RYR2: variants seen among roughly 807,000 people sequenced by gnomAD.
RYR2 encodes ryanodine receptor 2.
In RYR2, 227 loss-of-function variants were observed where a neutral mutation model predicts 601.1. The observed-to-expected ratio is 0.38, with a 90% CI of 0.34 to 0.42. The LOEUF is 0.42. Among genes scored for constraint, RYR2 ranks in the 10% least tolerant of loss-of-function variants. The pLI, the probability that RYR2 is intolerant of heterozygous loss-of-function variation, is 1.00. For synonymous variants in RYR2, 2,223 were observed against 2,175.1 expected, an observed-to-expected ratio of 1.02 and a Z score of -0.61; for missense variants, 4,646 against 6,156.5, an observed-to-expected ratio of 0.75 and a Z score of 8.21.
At chr1:237,303,392 C>G (rs916087992) in intron 2 of RYR2, among the ~76,000 whole-genome samples, 1 of 145,858 alleles carries the variant, frequency 6.9e-6, no homozygotes, top group Admixed American at 7.0e-5. Flanking sequence ...CTCTGCCTCT[C>G]GGGTTCAAGT....
intron 63 of RYR2, among the ~76,000 whole-genome samples, chr1:237,689,195 G>A (rs1686719081): frequency 6.6e-6 from 1 of 152,156 alleles, no homozygotes; most frequent in South Asian, 2.1e-4. Context: ...TTGAGCCCAG[G>A]AATCTGAGGT....
chr1:237,806,424 G>A (rs903348634), intron 99 of RYR2, 141 bp downstream of exon 99: 13 of 761,324 alleles, frequency 1.7e-5, no homozygotes, highest in Non-Finnish European at 2.3e-5. Flanking sequence ...GTTCTAAACT[G>A]CAGGGATTAG....
At chr1:237,070,867 A>G (rs1264306202) in intron 1 of RYR2, among the ~76,000 whole-genome samples, 1 of 152,176 alleles carries the variant, frequency 6.6e-6, no homozygotes, top group Non-Finnish European at 1.5e-5. Flanking sequence ...ATGGTGCCAA[A>G]AGCTCAGAGA....
chr1:237,771,950 C>A, intron 85 of RYR2, 62 bp from the exon 86 acceptor site: 2 of 954,638 alleles, frequency 2.1e-6, no homozygotes, highest in South Asian at 1.4e-5. Flanking sequence ...CTTTGGAGTT[C>A]TTAGAATGAC....
chr1:237,542,058 C>CTATA (rs1210091837), intron 25 of RYR2, among the ~76,000 whole-genome samples: 9 of 148,414 alleles, frequency 6.1e-5, no homozygotes, highest in African/African-American at 1.8e-4. Flanking sequence ...ACATTTTTGT[C>CTATA]TTTATTTATT....
intron 1 of RYR2, among the ~76,000 whole-genome samples, chr1:237,225,910 C>T (rs1040087541): frequency 6.6e-6 from 1 of 152,078 alleles, no homozygotes; most frequent in Non-Finnish European, 1.5e-5. Flanking sequence ...CAAAAATTAG[C>T]TGGGTGTGGT....
intron 89 of RYR2, among the ~76,000 whole-genome samples, chr1:237,783,237 T>C (rs1158792647): frequency 6.6e-6 from 1 of 152,212 alleles, no homozygotes; most frequent in East Asian, 1.9e-4. Context: ...TCCTCATCGG[T>C]AAAATTAGGG....
chr1:237,228,830 T>C (rs1416010036), intron 1 of RYR2, among the ~76,000 whole-genome samples: 4 of 152,210 alleles, frequency 2.6e-5, no homozygotes, highest in Admixed American at 1.3e-4. Context: ...CAGATGCCCA[T>C]TGCCAAATTC....
intron 2 of RYR2, among the ~76,000 whole-genome samples, chr1:237,285,952 T>C (rs1207211637): frequency 6.6e-6 from 1 of 152,180 alleles, no homozygotes; most frequent in Admixed American, 6.5e-5. Flanking sequence ...GTCTATCAAT[T>C]TTAGTTATCT....
chr1:237,482,155 C>G (rs958627004), intron 17 of RYR2, among the ~76,000 whole-genome samples: 8 of 152,176 alleles, frequency 5.3e-5, no homozygotes, highest in African/African-American at 1.9e-4. Context: ...GTTATCCATC[C>G]CCTTTCAAGC....
chr1:237,791,664 A>T lies in RYR2; in HGVS notation c.13563+149A>T, dbSNP rs1658391276. ...GTGCCTAGGCACTGATATCACTGTT[A>T]TCTAGGAAGGCAAGATAGATTTGTT... is the stretch of plus-strand genomic sequence containing the variant. On this transcript the variant is annotated intron_variant, in intron 93 of 104. Coordinates refer to ENST00000366574, the MANE Select transcript of RYR2 (RefSeq NM_001035.3). The T allele has an allele frequency of 3.3e-5, 20 of 601,026 alleles. 1 individual carries two copies. The South Asian group carries it at 4.3e-4, about 13-fold the overall frequency. The allele number at this position is 601,026 out of a possible 1,614,324, so 37.2% of individuals were successfully genotyped here.
chr1:237,378,293 A>G (rs1701196469), intron 8 of RYR2, among the ~76,000 whole-genome samples: 2 of 152,224 alleles, frequency 1.3e-5, no homozygotes, highest in Non-Finnish European at 2.9e-5. Flanking sequence ...CAGCCGAACC[A>G]TATCAAATGC....
intron 1 of RYR2, among the ~76,000 whole-genome samples, chr1:237,143,945 A>G (rs1233424988): frequency 6.6e-6 from 1 of 152,172 alleles, no homozygotes; most frequent in Non-Finnish European, 1.5e-5. Flanking sequence ...CCTGGCCAAC[A>G]TAGTGAAACC....
intron 101 of RYR2, among the ~76,000 whole-genome samples, chr1:237,825,349 G>A (rs190289859): frequency 1.1e-4 from 16 of 152,252 alleles, no homozygotes; most frequent in Admixed American, 3.3e-4. Flanking sequence ...AGAGGCCTCA[G>A]AAATAACACC....
At chr1:237,411,661 A>G (rs2150001282) in intron 10 of RYR2, among the ~76,000 whole-genome samples, 1 of 152,246 alleles carries the variant, frequency 6.6e-6, no homozygotes, top group African/African-American at 2.4e-5. Context: ...CTTCACAGTA[A>G]CCCAGTAAAA....
intron 35 of RYR2, among the ~76,000 whole-genome samples, chr1:237,603,913 T>C (rs2148521981): frequency 6.6e-6 from 1 of 152,256 alleles, no homozygotes; most frequent in African/African-American, 2.4e-5. Context: ...AGCACCCAGA[T>C]TCATAAAGCA....
At chr1:237,294,235 C>G (rs996993517) in intron 2 of RYR2, among the ~76,000 whole-genome samples, 1 of 152,226 alleles carries the variant, frequency 6.6e-6, no homozygotes, top group South Asian at 2.1e-4. Context: ...CTTATTATAT[C>G]ACAGTATCAC....
chr1:237,457,172 C>T (rs955650388), intron 16 of RYR2, among the ~76,000 whole-genome samples: 4 of 152,040 alleles, frequency 2.6e-5, no homozygotes, highest in Non-Finnish European at 5.9e-5. Flanking sequence ...TTAAATATTT[C>T]CTTTTTGCTT....
chr1:237,545,759 A>T (rs1393003831), intron 25 of RYR2, among the ~76,000 whole-genome samples: 1 of 151,942 alleles, frequency 6.6e-6, no homozygotes, highest in Non-Finnish European at 1.5e-5. Context: ...AAAATAAAAA[A>T]AAAAAAAAAT....
Sources: allele counts gnomAD v4.1 joint callset (sites outside exome capture counted in the v4.1 genomes callset), GRCh38; gene constraint gnomAD v4.1.1; transcripts MANE v1.5; gene names NCBI Gene and HGNC (gene_info 2026-07-23, HGNC 2026-07-21).